The following RFX3 variants were observed in gnomAD, a reference collection of about 807,000 sequenced individuals.
The protein encoded by RFX3 is regulatory factor X3.
In RFX3, 14 loss-of-function variants were observed where a neutral mutation model predicts 98.6. The observed-to-expected ratio is 0.14, with a 90% CI of 0.09 to 0.22. The LOEUF (loss-of-function observed/expected upper bound fraction) is 0.22. Ranked by LOEUF, RFX3 falls within the 10% of genes least tolerant of loss-of-function variation. The pLI is 1.00. For missense variants in RFX3, 639 were observed against 926.9 expected, an observed-to-expected ratio of 0.69 and a Z score of 4.03; for synonymous variants, 383 against 328.4, an observed-to-expected ratio of 1.17 and a Z score of -1.80.
intron 1 of RFX3, among the ~76,000 whole-genome samples, chr9:3,417,930 T>A (rs1317558287): frequency 6.6e-6 from 1 of 152,192 alleles, no homozygotes; most frequent in Admixed American, 6.5e-5. Flanking sequence ...TGACACTATA[T>A]AAATATCTGA....
chr9:3,462,920 TAAGTA>T (rs1847833773), intron 1 of RFX3, among the ~76,000 whole-genome samples: 1 of 152,108 alleles, frequency 6.6e-6, no homozygotes, highest in Non-Finnish European at 1.5e-5. Context: ...ATTAAAGACT[TAAGTA>T]AAGAAAGAGA....
intron 1 of RFX3, among the ~76,000 whole-genome samples, chr9:3,516,863 G>C (rs937789231): frequency 6.6e-6 from 1 of 152,154 alleles, no homozygotes; most frequent in Non-Finnish European, 1.5e-5. Flanking sequence ...CACACACATA[G>C]AGAAGCTGGC....
At position 3,330,408 on chromosome 9, in the gene RFX3, A is replaced by G; in HGVS notation, c.325T>C (p.Ser109Pro). 1.9e-6 allele frequency: 3 copies of G among 1,614,136 alleles called. No homozygotes were observed. Among genetic ancestry groups the G allele is most frequent in the Non-Finnish European group, 2.5e-6 (3 of 1,180,012 alleles). ...CCACCAGTGCCCACCATACTGTGGG[A>G]TGAGACCACGGTAGTCACCTGGGCG... ...SSAQVTTVVS[S>P]HSMVGTGGIQ... is the part of the protein sequence containing the mutation. Residue 109 changes from serine to proline, a missense_variant, in exon 4 of 17, where the codon TCC (serine) becomes CCC (proline). Coordinates refer to ENST00000617270, the MANE Select transcript of RFX3 (RefSeq NM_001282116.2).
intron 1 of RFX3, among the ~76,000 whole-genome samples, chr9:3,400,771 G>A (rs1411410940): frequency 1.3e-5 from 2 of 152,168 alleles, no homozygotes; most frequent in East Asian, 1.9e-4. Context: ...TACACTAAGT[G>A]CTTTAAATAC....
At chr9:3,293,371 A>G (rs1453107968) in intron 5 of RFX3, 113 bp from the exon 6 acceptor site, 11 of 731,792 alleles carry the variant, frequency 1.5e-5, no homozygotes, top group Non-Finnish European at 2.2e-5. Context: ...ATCAAGTCTT[A>G]TGATAGAGTA....
chr9:3,343,933 T>C (rs571153573), intron 3 of RFX3, among the ~76,000 whole-genome samples: 2 of 152,308 alleles, frequency 1.3e-5, no homozygotes, highest in African/African-American at 4.8e-5. Flanking sequence ...AAAATACATG[T>C]TAGCACTAAA....
At chr9:3,342,721 C>G (rs1405200655) in intron 3 of RFX3, among the ~76,000 whole-genome samples, 1 of 152,016 alleles carries the variant, frequency 6.6e-6, no homozygotes, top group East Asian at 1.9e-4. Flanking sequence ...AATGAACTCT[C>G]TCTACATGGT....
intron 15 of RFX3, among the ~76,000 whole-genome samples, chr9:3,232,862 C>G (rs549432088): frequency 2.9e-4 from 44 of 150,596 alleles, no homozygotes; most frequent in Non-Finnish European, 6.2e-4. Context: ...CAGAGAGAGA[C>G]AGACAGAGAG....
intron 4 of RFX3, among the ~76,000 whole-genome samples, chr9:3,320,743 T>C (rs964725767): frequency 1.7e-5 from 2 of 118,288 alleles, no homozygotes; most frequent in Non-Finnish European, 3.1e-5. Context: ...TGTGCCTATA[T>C]ATACATATAA....
chr9:3,482,012 A>T (rs1292927586), intron 1 of RFX3, among the ~76,000 whole-genome samples: 1 of 152,138 alleles, frequency 6.6e-6, no homozygotes, highest in Non-Finnish European at 1.5e-5. Flanking sequence ...AAATGTACCC[A>T]GCATTTACTC....
chr9:3,411,031 T>C (rs1842422645), intron 1 of RFX3, among the ~76,000 whole-genome samples: 2 of 152,192 alleles, frequency 1.3e-5, no homozygotes, highest in Admixed American at 1.3e-4. Flanking sequence ...GATATTCTTG[T>C]TGTACCATAA....
At chr9:3,240,855 A>C (rs1819819040) in intron 15 of RFX3, among the ~76,000 whole-genome samples, 1 of 152,202 alleles carries the variant, frequency 6.6e-6, no homozygotes, top group African/African-American at 2.4e-5. Context: ...AGTGTGGCAA[A>C]GTGGCCAGTA....
chr9:3,328,652 G>A (rs1480712366), intron 4 of RFX3, among the ~76,000 whole-genome samples: 5 of 152,012 alleles, frequency 3.3e-5, no homozygotes, highest in African/African-American at 7.2e-5. Flanking sequence ...AACAAATAGC[G>A]AATTAAAATA....
intron 2 of RFX3, among the ~76,000 whole-genome samples, chr9:3,366,714 CTT>C (rs1055058814): frequency 1.1e-5 from 1 of 94,566 alleles, no homozygotes; most frequent in Non-Finnish European, 2.2e-5. Flanking sequence ...TTCTTTCTTT[CTT>C]TCTTTCTTTC....
chr9:3,424,516 C>A (rs138459289), intron 1 of RFX3, among the ~76,000 whole-genome samples: 2,715 of 150,728 alleles, frequency 0.018, 35 homozygotes, highest in Non-Finnish European at 0.027. Context: ...CGCCCGCCAC[C>A]GCGCCCGGAT....
intron 4 of RFX3, among the ~76,000 whole-genome samples, chr9:3,319,261 C>T (rs998318778): frequency 3.3e-5 from 5 of 151,298 alleles, no homozygotes; most frequent in South Asian, 2.1e-4. Context: ...CTGACTGAAT[C>T]GAAAGTCATT....
intron 2 of RFX3, among the ~76,000 whole-genome samples, chr9:3,366,693 CCTTTCTTTCTTT>C (rs1202997871): frequency 0.038 from 3,217 of 85,452 alleles, 73 homozygotes; most frequent in Non-Finnish European, 0.043. Context: ...TTCTTTCTTT[CCTTTCTTTCTTT>C]CTTTCTTTCT....
At position 3,369,161 on chromosome 9, in the gene RFX3, C is replaced by T. The variant is rs142000845; in HGVS notation, c.118-22397G>A. Among the ~76,000 whole-genome samples, 339 of 152,326 alleles carry T rather than the reference C, an allele frequency of 2.2e-3. 1 individual carries two copies. Among genetic ancestry groups the T allele is most frequent in the African/African-American group, 7.7e-3 (322 of 41,584 alleles). The stretch of plus-strand genomic sequence containing the variant: ...AACTATTCGTTTTAGTCCGTTCAGT[C>T]TGCTACAGCAAAAACTGGGTAACTT... On this transcript the variant is annotated intron_variant, in intron 2 of 16. Coordinates refer to ENST00000617270, the MANE Select transcript of RFX3 (RefSeq NM_001282116.2).
rs1284213331 is a variant in RFX3 at position 3,252,100 on chromosome 9, G to A, written c.1815-3915C>T. Among the ~76,000 whole-genome samples, 3 of 150,582 alleles carry A rather than the reference G, an allele frequency of 2.0e-5. No individual in the cohort carries two copies. In the East Asian group the frequency reaches 5.8e-4, roughly 29 times the overall value. On this transcript the variant is annotated intron_variant, in intron 14 of 16. Coordinates refer to ENST00000617270, the MANE Select transcript of RFX3 (RefSeq NM_001282116.2). Reference sequence around the variant, plus strand: ...CGACCTCAGGTGATCCGCCCACCTCGGCCTTCTGTTAAAATATAATAACCC... The same window carrying A: ...CGACCTCAGGTGATCCGCCCACCTCAGCCTTCTGTTAAAATATAATAACCC...
Sources: gnomAD v4.1 joint callset for allele counts (sites outside exome capture counted in the v4.1 genomes callset) on GRCh38, gnomAD v4.1.1 for gene constraint, MANE v1.5 for transcripts, NCBI Gene and HGNC (gene_info 2026-07-23, HGNC 2026-07-21) for gene names.